The following UTRN variants were observed in gnomAD, a reference collection of about 807,000 sequenced individuals.
UTRN encodes utrophin, also known as dystrophin-related protein 1.
A neutral mutation model predicts 463.9 loss-of-function variants in UTRN; 283 were observed. The ratio of observed to expected loss-of-function variants is 0.61; its 90% CI spans 0.55 to 0.67. The LOEUF (loss-of-function observed/expected upper bound fraction) is 0.67, where lower values mean the gene tolerates loss of function less well. Among genes scored for constraint, UTRN ranks in the 30% least tolerant of loss-of-function variants. The pLI, the probability that UTRN is intolerant of heterozygous loss-of-function variation, is 0.00. For missense variants in UTRN, 3,922 were observed against 4,084.3 expected (o/e 0.96, Z 1.08); for synonymous variants, 1,442 against 1,431.5 (o/e 1.01, Z -0.17).
chr6:144,649,944 A>G (rs1206277168), intron 51 of UTRN, among the ~76,000 whole-genome samples: 1 of 152,156 alleles, frequency 6.6e-6, no homozygotes, highest in Admixed American at 6.5e-5. Flanking sequence ...CTGTGAGGAG[A>G]TGTATTAGCT....
At chr6:144,527,367 G>A (rs1481185678) in intron 41 of UTRN, among the ~76,000 whole-genome samples, 2 of 152,202 alleles carry the variant, frequency 1.3e-5, no homozygotes, top group Non-Finnish European at 1.5e-5. Context: ...GAAATCTTCT[G>A]TTAATGTGAT....
intron 2 of UTRN, among the ~76,000 whole-genome samples, chr6:144,349,299 C>T (rs1018462528): frequency 2.0e-4 from 30 of 152,126 alleles, no homozygotes; most frequent in African/African-American, 7.0e-4. Flanking sequence ...TGAGCCACGG[C>T]GCCTGGCCCT....
At chr6:144,539,033 A>G (rs528304121) in intron 44 of UTRN, among the ~76,000 whole-genome samples, 31 of 152,184 alleles carry the variant, frequency 2.0e-4, no homozygotes, top group Admixed American at 3.9e-4. Flanking sequence ...TAAAAATAAT[A>G]TATGACCCGG....
In UTRN at chr6:144,466,014, C is replaced by T. The variant is rs115249329; in HGVS notation, c.3066+3148C>T. ...GTGAACATTTAGAGTTCCTTTTCTT[C>T]CCCAATACCATTTTCTTTCCTGGGG... On this transcript the variant is annotated intron_variant, in intron 23 of 74. Transcript: ENST00000367545. Among the ~76,000 whole-genome samples the T allele has an allele frequency of 2.5e-3, 385 of 152,298 alleles. 5 individuals are homozygous for T. The highest frequency in any genetic ancestry group is 9.0e-3 in the African/African-American group (375 of 41,564).
rs147557639 is a variant in UTRN at position 144,635,731 on chromosome 6, C to T, written c.7480-42675C>T. On this transcript the variant is annotated intron_variant, in intron 51 of 74. Transcript: ENST00000367545. ...ATTTCTGTATTTTTAGTAGAGATGA[C>T]GTTATGCCATTTGGCCAGGCTGGTC... 3.3e-3 allele frequency among the ~76,000 whole-genome samples: 497 copies of T among 150,994 alleles called. 3 individuals carry two copies. Among genetic ancestry groups the T allele is most frequent in the African/African-American group, 0.011 (465 of 41,176 alleles).
intron 2 of UTRN, among the ~76,000 whole-genome samples, chr6:144,345,650 A>T (rs972207278): frequency 6.6e-6 from 1 of 152,124 alleles, no homozygotes; most frequent in African/African-American, 2.4e-5. Context: ...TCCAGTTTGG[A>T]CAACAGAGGG....
At chr6:144,301,536 CTTTTTTTTTTTTTTTTTT>C (rs200484231) in intron 2 of UTRN, among the ~76,000 whole-genome samples, 2 of 92,744 alleles carry the variant, frequency 2.2e-5, no homozygotes, top group African/African-American at 8.1e-5. Flanking sequence ...TTCTTTCTTT[CTTTTTTTTTTTTTTTTTT>C]TTTTTTTGAG....
intron 61 of UTRN, among the ~76,000 whole-genome samples, chr6:144,783,603 T>G (rs1388298092): frequency 6.6e-6 from 1 of 152,224 alleles, no homozygotes; most frequent in African/African-American, 2.4e-5. Flanking sequence ...CTCTGTTCTA[T>G]CTTTTGAACC....
chr6:144,834,331 A>G (rs1780925008), intron 69 of UTRN, among the ~76,000 whole-genome samples: 1 of 152,294 alleles, frequency 6.6e-6, no homozygotes, highest in East Asian at 1.9e-4. Context: ...ATATTTCTAG[A>G]GGGAGAGAAA....
rs9403598 is a variant in UTRN at position 144,747,229 on chromosome 6, C to T, written c.7940-1017C>T. Reference sequence around the variant, plus strand: ...TCACAAAGAAGAATGTGTTTTCTGTCTCAAATTAATGTACAGTTTATGTCA... The same window carrying T: ...TCACAAAGAAGAATGTGTTTTCTGTTTCAAATTAATGTACAGTTTATGTCA... On this transcript the variant is annotated intron_variant, in intron 54 of 74. Transcript: ENST00000367545. Among the ~76,000 whole-genome samples, 504 of 152,276 alleles carry T rather than the reference C, an allele frequency of 3.3e-3. 18 individuals carry two copies. In the East Asian group the frequency reaches 0.078, roughly 24 times the overall value.
At chr6:144,433,386 C>G (rs1304185826) in intron 9 of UTRN, among the ~76,000 whole-genome samples, 2 of 148,090 alleles carry the variant, frequency 1.4e-5, no homozygotes, top group African/African-American at 5.0e-5. Flanking sequence ...CCCTCCCGGA[C>G]GGGGTGGCTG....
chr6:144,768,153 G>A (rs1793571032), intron 58 of UTRN, among the ~76,000 whole-genome samples: 1 of 152,142 alleles, frequency 6.6e-6, no homozygotes, highest in African/African-American at 2.4e-5. Flanking sequence ...ATGTTAGGCA[G>A]TATTGCAGCA....
At chr6:144,460,826 AG>A (rs1187324166) in intron 21 of UTRN, among the ~76,000 whole-genome samples, 18 of 152,220 alleles carry the variant, frequency 1.2e-4, no homozygotes, top group African/African-American at 4.3e-4. Context: ...TGGAGCTTAC[AG>A]CAAGACTGGT....
At chr6:144,830,275 G>A (rs1435042217) in intron 69 of UTRN, among the ~76,000 whole-genome samples, 1 of 152,010 alleles carries the variant, frequency 6.6e-6, no homozygotes, top group African/African-American at 2.4e-5. Context: ...AAAGTCAGAA[G>A]ATTAACAGTC....
At chr6:144,315,827 C>T (rs1283657629) in intron 2 of UTRN, among the ~76,000 whole-genome samples, 2 of 152,100 alleles carry the variant, frequency 1.3e-5, no homozygotes, top group African/African-American at 2.4e-5. Flanking sequence ...GTGTTTGAAT[C>T]CTTGGCATGA....
At chr6:144,827,558 A>C (rs1216678825) in intron 67 of UTRN, 53 bp from the exon 68 acceptor site, 3 of 1,608,224 alleles carry the variant, frequency 1.9e-6, no homozygotes, top group Non-Finnish European at 2.6e-6. Context: ...TCTAATAGTA[A>C]CACCTATCAA....
chr6:144,430,326 C>T (rs1785686255), intron 9 of UTRN, among the ~76,000 whole-genome samples: 1 of 151,998 alleles, frequency 6.6e-6, no homozygotes, highest in Admixed American at 6.6e-5. Context: ...AATTTATTTT[C>T]TTCCTTAGTT....
At chr6:144,449,163 G>C (rs1787995504) in intron 17 of UTRN, among the ~76,000 whole-genome samples, 1 of 152,118 alleles carries the variant, frequency 6.6e-6, no homozygotes, top group African/African-American at 2.4e-5. Flanking sequence ...TTTATTGTCA[G>C]AAAGTGCAGG....
chr6:144,421,777 T>C, intron 3 of UTRN, 101 bp from the exon 4 acceptor site: 1 of 767,306 alleles, frequency 1.3e-6, no homozygotes, highest in Non-Finnish European at 1.9e-6. Context: ...CACAACATTT[T>C]AATTGAGCAA....
Sources: gnomAD v4.1 joint callset for allele counts (sites outside exome capture counted in the v4.1 genomes callset) on GRCh38, gnomAD v4.1.1 for gene constraint, MANE v1.5 for transcripts, NCBI Gene and HGNC (gene_info 2026-07-23, HGNC 2026-07-21) for gene names.